Variants in NTM observed in about 807,000 individuals in gnomAD.
The protein encoded by NTM is IgLON family member 2.
A neutral mutation model predicts 42.1 loss-of-function variants in NTM; 13 were observed. That is an observed-to-expected ratio of 0.31 (90% CI 0.20 to 0.49). NTM has a LOEUF of 0.49. NTM is among the 20% of genes least tolerant of loss of function. NTM has a pLI of 0.99. For synonymous variants in NTM, 187 were observed against 179.2 expected, an observed-to-expected ratio of 1.04 and a Z score of -0.35; for missense variants, 373 against 452.8, an observed-to-expected ratio of 0.82 and a Z score of 1.60.
chr11:131,664,788 A>G (rs867709343), intron 1 of NTM, among the ~76,000 whole-genome samples: 17 of 126,914 alleles, frequency 1.3e-4, no homozygotes, highest in African/African-American at 5.3e-4. Flanking sequence ...TTAGATTTTA[A>G]TATTTCCTTT....
chr11:132,253,144 A>T (rs1032731665), intron 4 of NTM, among the ~76,000 whole-genome samples: 1 of 152,238 alleles, frequency 6.6e-6, no homozygotes, highest in Non-Finnish European at 1.5e-5. Context: ...TCTGGAACAC[A>T]TGCCATGTCC....
intron 7 of NTM, among the ~76,000 whole-genome samples, chr11:132,326,885 A>C (rs976435668): frequency 6.6e-5 from 10 of 152,202 alleles, no homozygotes; most frequent in African/African-American, 2.4e-4. Flanking sequence ...TTACCTCAGA[A>C]ATACCAGGAA....
chr11:131,752,990 A>T (rs983474378), intron 1 of NTM, among the ~76,000 whole-genome samples: 1 of 152,192 alleles, frequency 6.6e-6, no homozygotes, highest in Admixed American at 6.5e-5. Context: ...CAACCTACCC[A>T]TCTGACAAAG....
chr11:131,408,904 C>T (rs1946091438), intron 1 of NTM, among the ~76,000 whole-genome samples: 1 of 152,190 alleles, frequency 6.6e-6, no homozygotes, highest in South Asian at 2.1e-4. Flanking sequence ...CCAGAGGCAT[C>T]ATATCATCCC....
At chr11:131,374,655 G>A (rs1941722830) in intron 1 of NTM, among the ~76,000 whole-genome samples, 1 of 152,148 alleles carries the variant, frequency 6.6e-6, no homozygotes, top group Admixed American at 6.5e-5. Context: ...CCTGGGTTCT[G>A]CTCTCTGCCT....
chr11:131,676,113 T>C (rs756817694), intron 1 of NTM, among the ~76,000 whole-genome samples: 1 of 152,196 alleles, frequency 6.6e-6, no homozygotes, highest in Non-Finnish European at 1.5e-5. Flanking sequence ...AACCCTTGCT[T>C]TTCTCTTCTG....
intron 1 of NTM, among the ~76,000 whole-genome samples, chr11:131,721,151 A>T (rs2078280165): frequency 6.6e-6 from 1 of 152,082 alleles, no homozygotes; most frequent in African/African-American, 2.4e-5. Flanking sequence ...CTCCTGACAA[A>T]TTAGGATAAG....
chr11:132,212,119 G>A lies in NTM; in HGVS notation c.498G>A (p.Thr166=), dbSNP rs750504988. The A allele has an allele frequency of 2.6e-5, 42 of 1,613,308 alleles. No individual in the cohort carries two copies. The highest frequency in any genetic ancestry group is 3.1e-5 in the Non-Finnish European group (37 of 1,179,746). ...TAGCAACTGGTAGACCAGAGCCTAC[G>A]GTTACTTGGAGACACATCTCTCCCA... ...TCIATGRPEP[T]VTWRHISPKA... is the part of the protein sequence containing the mutation. The change falls in exon 4 of 9, where the codon ACG becomes ACA. Residue 166 remains threonine (T), a synonymous_variant. Coordinates refer to ENST00000683400, the MANE Select transcript of NTM (RefSeq NM_001352005.2).
chr11:131,821,244 A>C (rs1339525952), intron 1 of NTM, among the ~76,000 whole-genome samples: 1 of 152,196 alleles, frequency 6.6e-6, no homozygotes, highest in Admixed American at 6.5e-5. Context: ...TGGAACTGGG[A>C]ACTCATTCCT....
In NTM at chr11:131,789,500, G is replaced by GAAGAAGA. The variant is rs2090124651; in HGVS notation, c.83-122062_83-122056dup. 1.9e-3 allele frequency among the ~76,000 whole-genome samples: 13 copies of GAAGAAGA among 6,838 alleles called. 6 individuals carry two copies. Among genetic ancestry groups the GAAGAAGA allele is most frequent in the African/African-American group, 1.8e-3 (3 of 1,708 alleles). 4.5% of individuals were successfully genotyped at this position (6,838 alleles called of 152,430 possible). ...GAAGAAGAAGAAGAAGAGGAAAGAA[G>GAAGAAGA]AAGAAGAAGAAGAAGAAGAAGAAGA... On this transcript the variant is annotated intron_variant, in intron 1 of 8. Coordinates refer to ENST00000683400, the MANE Select transcript of NTM (RefSeq NM_001352005.2).
At chr11:131,709,144 C>T (rs558203165) in intron 1 of NTM, among the ~76,000 whole-genome samples, 5 of 151,914 alleles carry the variant, frequency 3.3e-5, no homozygotes, top group African/African-American at 4.8e-5. Flanking sequence ...ACAGAGTGAG[C>T]GGCAGGGAAG....
chr11:132,035,147 T>A (rs1295475032), intron 2 of NTM, among the ~76,000 whole-genome samples: 1 of 152,222 alleles, frequency 6.6e-6, no homozygotes, highest in East Asian at 1.9e-4. Context: ...AACTTGATAT[T>A]CAGGCTCTCC....
intron 1 of NTM, among the ~76,000 whole-genome samples, chr11:131,427,475 C>G (rs1366960192): frequency 1.3e-5 from 2 of 152,162 alleles, no homozygotes; most frequent in African/African-American, 4.8e-5. Context: ...TCTACACTCT[C>G]CAGAAAACCA....
chr11:131,576,372 G>T (rs1363801082), intron 1 of NTM, among the ~76,000 whole-genome samples: 3 of 152,176 alleles, frequency 2.0e-5, no homozygotes, highest in African/African-American at 4.8e-5. Flanking sequence ...GCTCTTCCTA[G>T]CATCCTCTTT....
intron 1 of NTM, among the ~76,000 whole-genome samples, chr11:131,664,597 C>T (rs746178103): frequency 9.9e-5 from 15 of 152,026 alleles, no homozygotes; most frequent in Non-Finnish European, 1.6e-4. Context: ...AATGAACACG[C>T]GCCATACGTT....
At chr11:131,497,693 T>C (rs1251718994) in intron 1 of NTM, among the ~76,000 whole-genome samples, 1 of 152,246 alleles carries the variant, frequency 6.6e-6, no homozygotes. Flanking sequence ...CCATGAGTTC[T>C]GAGTCTTCTC....
intron 1 of NTM, among the ~76,000 whole-genome samples, chr11:131,641,559 G>A (rs1565364886): frequency 6.6e-6 from 1 of 152,072 alleles, no homozygotes; most frequent in Non-Finnish European, 1.5e-5. Flanking sequence ...CCTGTCTGGG[G>A]TTTTGAACTG....
At chr11:132,174,236 A>G (rs2076484551) in intron 3 of NTM, among the ~76,000 whole-genome samples, 1 of 152,232 alleles carries the variant, frequency 6.6e-6, no homozygotes, top group African/African-American at 2.4e-5. Context: ...AAACTTATAC[A>G]GGACACTTAA....
At chr11:131,875,441 A>G (rs941787746) in intron 1 of NTM, among the ~76,000 whole-genome samples, 8 of 152,210 alleles carry the variant, frequency 5.3e-5, no homozygotes, top group African/African-American at 1.9e-4. Flanking sequence ...TGAATCAGTG[A>G]ATGAGTGGAT....
Sources: gnomAD v4.1 joint callset for allele counts (sites outside exome capture counted in the v4.1 genomes callset) on GRCh38, gnomAD v4.1.1 for gene constraint, MANE v1.5 for transcripts, NCBI Gene and HGNC (gene_info 2026-07-23, HGNC 2026-07-21) for gene names.